SYN3: variants seen among roughly 807,000 people sequenced by gnomAD.
SYN3 encodes synapsin-3.
SYN3 carries 35 observed loss-of-function variants against 65.8 expected under a neutral mutation model. The ratio of observed to expected loss-of-function variants is 0.53; its 90% CI spans 0.41 to 0.70. The LOEUF is 0.70. Ranked by LOEUF, SYN3 falls within the 30% of genes least tolerant of loss-of-function variation. The pLI, the probability that SYN3 is intolerant of heterozygous loss-of-function variation, is 0.00. For synonymous variants in SYN3, 270 were observed against 292.9 expected, an observed-to-expected ratio of 0.92 and a Z score of 0.80; for missense variants, 680 against 749.0, an observed-to-expected ratio of 0.91 and a Z score of 1.08.
chr22:32,961,463 G>T (rs560662013), intron 3 of SYN3, among the ~76,000 whole-genome samples: 2 of 152,316 alleles, frequency 1.3e-5, no homozygotes, highest in South Asian at 4.1e-4. Context: ...CTCTAGGCTA[G>T]AAAAAGTAGA....
intron 6 of SYN3, among the ~76,000 whole-genome samples, chr22:32,854,473 T>C (rs1472928989): frequency 6.6e-6 from 1 of 152,138 alleles, no homozygotes; most frequent in African/African-American, 2.4e-5. Flanking sequence ...GAGGTTCCCA[T>C]GGGCTGGGTC....
At chr22:32,918,570 G>T (rs5998656) in intron 4 of SYN3, among the ~76,000 whole-genome samples, 1 of 151,690 alleles carries the variant, frequency 6.6e-6, no homozygotes. Context: ...AGCTAGAATC[G>T]CTTCAGGCAG....
intron 6 of SYN3, among the ~76,000 whole-genome samples, chr22:32,741,961 T>C (rs1476851156): frequency 1.3e-5 from 2 of 152,142 alleles, no homozygotes; most frequent in Non-Finnish European, 2.9e-5. Flanking sequence ...CTTTCCATTT[T>C]TCCAGACAGG....
At chr22:32,796,717 C>G (rs2046436318) in intron 6 of SYN3, among the ~76,000 whole-genome samples, 1 of 152,020 alleles carries the variant, frequency 6.6e-6, no homozygotes, top group Non-Finnish European at 1.5e-5. Context: ...GGGAAGGCAT[C>G]GTGGCTAGGG....
At chr22:32,994,871 A>C (rs2052833785) in intron 2 of SYN3, among the ~76,000 whole-genome samples, 1 of 152,198 alleles carries the variant, frequency 6.6e-6, no homozygotes, top group African/African-American at 2.4e-5. Flanking sequence ...TGTTAATAAC[A>C]GTTACCATTT....
chr22:32,937,577 T>C (rs1276273925), intron 3 of SYN3, among the ~76,000 whole-genome samples: 3 of 152,096 alleles, frequency 2.0e-5, no homozygotes, highest in Admixed American at 2.0e-4. Context: ...GGGGAAGTGC[T>C]ACACACTTTT....
chr22:32,910,638 G>A (rs1322852175), intron 4 of SYN3, among the ~76,000 whole-genome samples: 1 of 141,272 alleles, frequency 7.1e-6, no homozygotes, highest in African/African-American at 2.6e-5. Context: ...TTATTCGGTT[G>A]GTGCAAACGT....
chr22:32,870,776 G>C (rs977489939), intron 4 of SYN3, among the ~76,000 whole-genome samples: 49 of 152,138 alleles, frequency 3.2e-4, no homozygotes, highest in African/African-American at 1.1e-3. Context: ...TCTGATTCTA[G>C]TGAAATTAAA....
chr22:32,554,776 A>G (rs2058468271), intron 7 of SYN3, among the ~76,000 whole-genome samples: 1 of 152,162 alleles, frequency 6.6e-6, no homozygotes, highest in South Asian at 2.1e-4. Flanking sequence ...CATCTGCGAG[A>G]CACACCCTTC....
intron 7 of SYN3, among the ~76,000 whole-genome samples, chr22:32,555,843 A>G (rs1482350561): frequency 6.6e-6 from 1 of 152,134 alleles, no homozygotes; most frequent in Non-Finnish European, 1.5e-5. Context: ...AACTAGTCGG[A>G]TGGGGTCAAG....
chr22:32,802,172 C>A, intron 6 of SYN3: 1 of 1,550,066 alleles, frequency 6.5e-7, no homozygotes. Context: ...GCCAGGACTG[C>A]AGCGCTGCTT....
chr22:32,906,198 T>TTCC (rs1451181148), intron 4 of SYN3, among the ~76,000 whole-genome samples: 1 of 152,140 alleles, frequency 6.6e-6, no homozygotes, highest in Non-Finnish European at 1.5e-5. Context: ...CAAACAACGA[T>TTCC]CTGGCATTTC....
At chr22:32,931,906 T>C (rs565229350) in intron 3 of SYN3, among the ~76,000 whole-genome samples, 1,217 of 115,010 alleles carry the variant, frequency 0.011, 10 homozygotes, top group African/African-American at 0.04. Context: ...CAGATGCTGT[T>C]TGATGGGACA....
chr22:32,751,735 G>A (rs534276112), intron 6 of SYN3, among the ~76,000 whole-genome samples: 52 of 152,316 alleles, frequency 3.4e-4, no homozygotes, highest in African/African-American at 8.4e-4. Flanking sequence ...TCTCAGAGCC[G>A]TTGAGGAAAG....
chr22:33,046,025 T>G (rs1380099766), intron 1 of SYN3, among the ~76,000 whole-genome samples: 2 of 145,534 alleles, frequency 1.4e-5, no homozygotes, highest in Non-Finnish European at 3.0e-5. Flanking sequence ...ACAAAAAACG[T>G]GTAATAGACC....
Position 32,834,771 on chromosome 22 carries a change from C to T in SYN3, c.711+30144G>A, listed in dbSNP as rs62232920. ...GCCCATAAACCCAGAAAATATGATTCCTATCTGGTACAGGGTACCATCCTG... is the reference window on the plus strand; with the variant it reads ...GCCCATAAACCCAGAAAATATGATTTCTATCTGGTACAGGGTACCATCCTG... On this transcript the variant is annotated intron_variant, in intron 6 of 13. Coordinates refer to ENST00000358763, the MANE Select transcript of SYN3 (RefSeq NM_003490.4). Among the ~76,000 whole-genome samples the T allele has an allele frequency of 7.3e-3, 1,105 of 152,266 alleles. 8 individuals are homozygous for T. The highest frequency in any genetic ancestry group is 0.034 in the Middle Eastern group (10 of 294).
intron 4 of SYN3, among the ~76,000 whole-genome samples, chr22:32,905,796 C>T (rs945932659): frequency 6.6e-6 from 1 of 152,234 alleles, no homozygotes; most frequent in Non-Finnish European, 1.5e-5. Flanking sequence ...TCAAGCTGCA[C>T]TAACTTCCCC....
At chr22:32,810,980 G>A (rs549552972) in intron 6 of SYN3, among the ~76,000 whole-genome samples, 19 of 152,228 alleles carry the variant, frequency 1.2e-4, no homozygotes, top group African/African-American at 4.6e-4. Flanking sequence ...CTAAAATGGG[G>A]GGAAATATAT....
At chr22:32,880,969 A>G (rs137502) in intron 4 of SYN3, among the ~76,000 whole-genome samples, 149,465 of 152,322 alleles carry the variant, frequency 0.98, 73,342 homozygotes, top group East Asian at 1. Flanking sequence ...TGGGGCCTCA[A>G]GTGGCATGTC....
Sources: gnomAD v4.1 joint callset for allele counts (sites outside exome capture counted in the v4.1 genomes callset) on GRCh38, gnomAD v4.1.1 for gene constraint, MANE v1.5 for transcripts, NCBI Gene and HGNC (gene_info 2026-07-23, HGNC 2026-07-21) for gene names.